LRRC39: variants seen among roughly 807,000 people sequenced by gnomAD.
The protein encoded by LRRC39 is leucine-rich repeat-containing protein 39.
A neutral mutation model predicts 39.7 loss-of-function variants in LRRC39; 35 were observed. The ratio of observed to expected loss-of-function variants is 0.88; its 90% confidence interval spans 0.67 to 1.17. The LOEUF (loss-of-function observed/expected upper bound fraction) is 1.17, where lower values mean the gene tolerates loss of function less well. Ranked by LOEUF, LRRC39 falls within the 50% of genes most tolerant of loss-of-function variation. The pLI is 0.00. For missense variants in LRRC39, 357 were observed against 385.8 expected (o/e 0.93, Z 0.62); for synonymous variants, 113 against 134.1 (o/e 0.84, Z 1.09).
intron 9 of LRRC39, among the ~76,000 whole-genome samples, chr1:100,151,813 A>G (rs754965006): frequency 1.5e-4 from 23 of 152,136 alleles, no homozygotes; most frequent in African/African-American, 2.9e-4. Flanking sequence ...GGTGGCATGC[A>G]CTGATAGCCC....
At chr1:100,160,624 C>CA in intron 3 of LRRC39, 53 bp from the exon 4 acceptor site, 1 of 1,375,000 alleles carries the variant, frequency 7.3e-7, no homozygotes, top group Non-Finnish European at 1.0e-6. Flanking sequence ...AAGTGGCATT[C>CA]ACTTTTTTTT....
At chr1:100,163,556 T>C (rs1046781581) in intron 3 of LRRC39, among the ~76,000 whole-genome samples, 5 of 151,616 alleles carry the variant, frequency 3.3e-5, no homozygotes, top group Non-Finnish European at 5.9e-5. Flanking sequence ...CTATGTATTT[T>C]CCAGCTTAAA....
intron 8 of LRRC39, among the ~76,000 whole-genome samples, chr1:100,153,245 C>T (rs1369738060): frequency 3.3e-5 from 5 of 152,014 alleles, no homozygotes; most frequent in Non-Finnish European, 5.9e-5. Flanking sequence ...AGTGGGTATT[C>T]TCTTATTCTC....
chr1:100,150,815 G>A (rs1342572865), intron 9 of LRRC39, among the ~76,000 whole-genome samples: 2 of 152,024 alleles, frequency 1.3e-5, no homozygotes, highest in African/African-American at 4.8e-5. Context: ...CAACTTGCAT[G>A]TTCCACAGGT....
chr1:100,159,554 G>T, intron 4 of LRRC39, 139 bp from the exon 5 acceptor site: 1 of 420,812 alleles, frequency 2.4e-6, no homozygotes, highest in Non-Finnish European at 3.9e-6. Flanking sequence ...ACTTTTCCAA[G>T]TGCTTTGTGT....
At chr1:100,178,653 A>T (rs1660103467), upstream of LRRC39, among the ~76,000 whole-genome samples, 1 of 152,174 alleles carries the variant, frequency 6.6e-6, no homozygotes, top group African/African-American at 2.4e-5. Context: ...AGAAGCCCCA[A>T]ACTTCTGCTG....
rs747159629 is a variant in LRRC39, at chr1:100,160,558, A to G, written c.127T>C (p.Trp43Arg). 4 of 1,612,570 alleles carry G rather than the reference A, an allele frequency of 2.5e-6. No individual in the cohort carries two copies. Among genetic ancestry groups the G allele is most frequent in the Admixed American group, 3.3e-5 (2 of 59,898 alleles). Residue 43 changes from tryptophan (W) to arginine (R), a missense_variant, in exon 4 of 10, where the codon TGG becomes CGG. By Grantham distance (101) the Trp-to-Arg change is moderately radical (BLOSUM62 -3). Transcript: ENST00000370137. ...TTGGTTAAGCTTACTCGTTCTTCCC[A>G]GATCCGCACTAGCCTAGGAAACCAG... Reference protein sequence around the residue: ...KEFQHKLVRIWEERVSLTKLR... With the variant: ...KEFQHKLVRIREERVSLTKLR...
intron 1 of LRRC39, among the ~76,000 whole-genome samples, chr1:100,175,375 A>G (rs1449364184): frequency 6.9e-6 from 1 of 144,468 alleles, no homozygotes; most frequent in African/African-American, 2.6e-5. Flanking sequence ...TTTGGTAGTG[A>G]CAGGATGTCT....
In LRRC39 at chr1:100,149,069, T is replaced by A; in HGVS notation, c.981A>T (p.Leu327Phe). The A allele has an allele frequency of 6.2e-7, 1 of 1,602,694 alleles. No homozygotes were observed. The highest frequency in any genetic ancestry group is 8.5e-7 in the Non-Finnish European group (1 of 1,176,146). Residue 327 changes from leucine to phenylalanine, a missense_variant, in exon 10 of 10, where the codon TTA becomes TTT. Physicochemically the swap from Leu to Phe is conservative, Grantham distance 22. Coordinates refer to ENST00000370137, the MANE Select transcript of LRRC39 (RefSeq NM_144620.4). ...ATCCATCCGTATTTATGGAGATTGG[T>A]AAAGTAGTTGAACCGTTGACTTGGT... ...ADHQVNGSTT[L>F]PISINTDG is the part of the protein sequence containing the mutation.
At chr1:100,159,935 A>C (rs181045525) in intron 4 of LRRC39, among the ~76,000 whole-genome samples, 3 of 152,258 alleles carry the variant, frequency 2.0e-5, no homozygotes, top group Non-Finnish European at 4.4e-5. Context: ...GCCAGTAGAG[A>C]ATATAAAGGA....
intron 9 of LRRC39, among the ~76,000 whole-genome samples, chr1:100,151,146 A>G (rs1657975333): frequency 6.6e-6 from 1 of 151,200 alleles, no homozygotes; most frequent in Admixed American, 6.6e-5. Context: ...AAAAAAAAAA[A>G]AAAAGACTGC....
intron 3 of LRRC39, among the ~76,000 whole-genome samples, chr1:100,161,940 C>A (rs1658908092): frequency 6.6e-6 from 1 of 152,196 alleles, no homozygotes; most frequent in South Asian, 2.1e-4. Flanking sequence ...AACCACTGTG[C>A]CTGGCTATGT....
intron 3 of LRRC39, among the ~76,000 whole-genome samples, chr1:100,167,873 T>C (rs1191542221): frequency 6.6e-6 from 1 of 151,044 alleles, no homozygotes; most frequent in Non-Finnish European, 1.5e-5. Context: ...TATATGCATC[T>C]ATGAGGAAAG....
intron 8 of LRRC39, among the ~76,000 whole-genome samples, chr1:100,152,819 CG>C (rs1557921967): frequency 6.6e-6 from 1 of 152,166 alleles, no homozygotes; most frequent in African/African-American, 2.4e-5. Context: ...CTCCACCTCC[CG>C]GGTTCAAGTG....
chr1:100,160,946 A>G (rs928947167), intron 3 of LRRC39, among the ~76,000 whole-genome samples: 3 of 152,028 alleles, frequency 2.0e-5, no homozygotes, highest in Admixed American at 1.3e-4. Context: ...ATATATTTTA[A>G]TTACCAATCA....
At chr1:100,153,731 AAGTT>A (rs1460969402) in intron 8 of LRRC39, among the ~76,000 whole-genome samples, 2 of 152,078 alleles carry the variant, frequency 1.3e-5, no homozygotes, top group African/African-American at 4.8e-5. Flanking sequence ...ACTTAGTAAA[AAGTT>A]ATATCTAGTG....
Position 100,148,452 on chromosome 1 carries a change from ATATACACATC to A in LRRC39, c.*580_*589del. The A allele has an allele frequency of 8.8e-7, 1 of 1,134,240 alleles. No individual in the cohort carries two copies. The highest frequency in any genetic ancestry group is 1.6e-5 in the African/African-American group (1 of 63,096). The allele number at this position is 1,134,240 out of a possible 1,614,324, so 70.3% of individuals were successfully genotyped here. A position where few individuals can be genotyped will look rare whatever the true frequency, so the allele number is the denominator to read the frequency against. On this transcript the variant is annotated 3_prime_UTR_variant, in exon 10 of 10. Coordinates refer to ENST00000370137, the MANE Select transcript of LRRC39 (RefSeq NM_144620.4). ...TAATCTAATTTTAGAATAAGCTAAA[ATATACACATC>A]TTTTATTGTGGTCATAAATATAATG...
intron 4 of LRRC39, 68 bp downstream of exon 4, chr1:100,160,398 A>C: frequency 8.3e-7 from 1 of 1,206,148 alleles, no homozygotes; most frequent in Non-Finnish European, 1.2e-6. Context: ...ACACAGTCTC[A>C]GAATCATTCT....
chr1:100,175,209 G>GT (rs1229457044), intron 1 of LRRC39, among the ~76,000 whole-genome samples: 2 of 151,836 alleles, frequency 1.3e-5, no homozygotes, highest in African/African-American at 4.8e-5. Flanking sequence ...TTTGTTTTTT[G>GT]TTTTTTTGAG....
Sources: allele counts gnomAD v4.1 joint callset (sites outside exome capture counted in the v4.1 genomes callset), GRCh38; gene constraint gnomAD v4.1.1; transcripts MANE v1.5; gene names NCBI Gene and HGNC (gene_info 2026-07-23, HGNC 2026-07-21).